PSMD9: variants seen among roughly 807,000 people sequenced by gnomAD.
The protein encoded by PSMD9 is 26S proteasome non-ATPase regulatory subunit 9.
In PSMD9, 26 loss-of-function variants were observed where a neutral mutation model predicts 25.9. The ratio of observed to expected loss-of-function variants is 1.00; its 90% CI spans 0.73 to 1.39. PSMD9 has a LOEUF of 1.39. Ranked by LOEUF, PSMD9 falls within the 40% of genes most tolerant of loss-of-function variation. The probability of loss-of-function intolerance (pLI) is 0.00; values close to 1 mark genes in which losing one functional copy is unlikely to be tolerated. For synonymous variants in PSMD9, 110 were observed against 114.5 expected (o/e 0.96, Z 0.25); for missense variants, 303 against 299.3 (o/e 1.01, Z -0.09).
chr12:121,916,476 T>C lies in PSMD9; in HGVS notation c.*165T>C, dbSNP rs904214992. The C allele has an allele frequency of 2.5e-6, 2 of 812,420 alleles. No homozygotes were observed. The highest frequency in any genetic ancestry group is 4.0e-6 in the Non-Finnish European group (2 of 500,510). The allele number at this position is 812,420 out of a possible 1,614,324, so 50.3% of individuals were successfully genotyped here. ...CTGTGGCCCACCAGTGTAATCTCCCTGGATTAAGGCATTCTTAAAAACTTA... is the reference window on the plus strand; with the variant it reads ...CTGTGGCCCACCAGTGTAATCTCCCCGGATTAAGGCATTCTTAAAAACTTA... On this transcript the variant is annotated 3_prime_UTR_variant, in exon 6 of 6. Transcript: ENST00000541212.
At chr12:121,889,754 G>A (rs1204367447) in intron 1 of PSMD9, among the ~76,000 whole-genome samples, 2 of 152,162 alleles carry the variant, frequency 1.3e-5, no homozygotes, top group Non-Finnish European at 2.9e-5. Flanking sequence ...CCTATCTAAG[G>A]TCATGTAGTT....
chr12:121,894,855 T>G lies in PSMD9; in HGVS notation c.241+14T>G. 6.2e-7 allele frequency: 1 copy of G among 1,605,880 alleles called. No homozygotes were observed. On this transcript the variant is annotated intron_variant, in intron 2 of 5. Transcript: ENST00000541212. ...ACAACATCATATGTGAGTGGCCCTC[T>G]TAGAAGACTTTCCCCACCTTGTGGT...
rs1195963789 is a variant in PSMD9 at position 121,899,969 on chromosome 12, TAACA to T, written c.453+129_453+132del. On this transcript the variant is annotated intron_variant, in intron 3 of 5. Transcript: ENST00000541212. ...GCGGTGCTGAGTTCAGTTACTCATT[TAACA>T]AACACTGACTGAGGCCTGTCGTGTA... 3 of 1,114,474 alleles carry T rather than the reference TAACA, an allele frequency of 2.7e-6. No individual in the cohort carries two copies. In the East Asian group the frequency reaches 7.5e-5, roughly 28 times the overall value. The allele number at this position is 1,114,474 out of a possible 1,614,324, so 69.0% of individuals were successfully genotyped here. A position where few individuals can be genotyped will look rare whatever the true frequency, so the allele number is the denominator to read the frequency against.
chr12:121,888,869 G>A lies in PSMD9; in HGVS notation c.13G>A (p.Glu5Lys), dbSNP rs1878964637. 6.2e-7 allele frequency: 1 copy of A among 1,604,322 alleles called. No homozygotes were observed. Residue 5 changes from glutamate (E) to lysine (K), a missense_variant, in exon 1 of 6, where the codon GAA becomes AAA. Coordinates refer to ENST00000541212, the MANE Select transcript of PSMD9 (RefSeq NM_002813.7). Reference sequence around the variant, plus strand: ...CCCGGGGTTCACGATGTCCGACGAGGAAGCGAGGCAGAGCGGAGGCTCCTC... The same window carrying A: ...CCCGGGGTTCACGATGTCCGACGAGAAAGCGAGGCAGAGCGGAGGCTCCTC... MSDE[E>K]ARQSGGSSQA...
intron 4 of PSMD9, among the ~76,000 whole-genome samples, chr12:121,912,053 A>G (rs1478025306): frequency 1.4e-5 from 2 of 143,070 alleles, no homozygotes; most frequent in Admixed American, 1.4e-4. Flanking sequence ...TTATTTATTT[A>G]TTTATTTTGA....
intron 4 of PSMD9, chr12:121,915,324 CAAAA>C (rs36112373): frequency 1.5e-5 from 2 of 133,526 alleles, no homozygotes; most frequent in Non-Finnish European, 1.6e-5. Flanking sequence ...GACTGTGTCT[CAAAA>C]AAAAAAAAAA....
At position 121,917,366 on chromosome 12, in the gene PSMD9, T is replaced by C. The variant is rs1176821610; in HGVS notation, c.*1055T>C. 1 of 152,276 alleles carries C rather than the reference T, an allele frequency of 6.6e-6. No homozygotes were observed. Among genetic ancestry groups the C allele is most frequent in the Non-Finnish European group, 1.5e-5 (1 of 68,056 alleles). 9.4% of individuals were successfully genotyped at this position (152,276 alleles called of 1,614,324 possible). On this transcript the variant is annotated 3_prime_UTR_variant, in exon 6 of 6. Transcript: ENST00000541212. ...CGCTATTTTGTAAACCGCTGAGGTA[T>C]GGATAGGAACGAGTAGATCAGACCT...
In PSMD9 at chr12:121,917,415, C is replaced by G. The variant is rs952719228; in HGVS notation, c.*1104C>G. 1 of 152,224 alleles carries G rather than the reference C, an allele frequency of 6.6e-6. No homozygotes were observed. The highest frequency in any genetic ancestry group is 1.5e-5 in the Non-Finnish European group (1 of 68,054). 9.4% of individuals were successfully genotyped at this position (152,224 alleles called of 1,614,324 possible). On this transcript the variant is annotated 3_prime_UTR_variant, in exon 6 of 6. Coordinates refer to ENST00000541212, the MANE Select transcript of PSMD9 (RefSeq NM_002813.7). ...CTCTTGAAAATGCTTATTCTTCCTC[C>G]CTTTTATTTTTTGTCTCTTTTAAGA... is the stretch of plus-strand genomic sequence containing the variant.
At position 121,899,596 on chromosome 12, in the gene PSMD9, T is replaced by A. The variant is rs887724498; in HGVS notation, c.242-38T>A. On this transcript the variant is annotated intron_variant, in intron 2 of 5. Transcript: ENST00000541212. Reference sequence around the variant, plus strand: ...AATGTAGGAGTCTTGTGTCCTCCACTGTCTTCCTTGGCCCCTGATGTGTGG... The same window carrying A: ...AATGTAGGAGTCTTGTGTCCTCCACAGTCTTCCTTGGCCCCTGATGTGTGG... 1.9e-6 allele frequency: 3 copies of A among 1,544,610 alleles called. No individual in the cohort carries two copies. In the South Asian group the frequency reaches 3.6e-5, roughly 18 times the overall value.
intron 4 of PSMD9, among the ~76,000 whole-genome samples, chr12:121,903,423 C>T (rs1468720570): frequency 1.3e-5 from 2 of 152,146 alleles, no homozygotes; most frequent in African/African-American, 4.8e-5. Context: ...AATACCATCA[C>T]ATTGGTGGTT....
At position 121,915,783 on chromosome 12, in the gene PSMD9, G is replaced by T. The variant is rs150352413; in HGVS notation, c.556-73G>T. On this transcript the variant is annotated intron_variant, in intron 4 of 5. Coordinates refer to ENST00000541212, the MANE Select transcript of PSMD9 (RefSeq NM_002813.7). ...TACCAATTTGATAGGCAAAAAATGG[G>T]ATCTCAGCATTTTAGCCTGCATCTC... 8.6e-6 allele frequency: 11 copies of T among 1,273,722 alleles called. No individual in the cohort carries two copies. The East Asian group carries it at 2.2e-4, about 26-fold the overall frequency. The allele number at this position is 1,273,722 out of a possible 1,614,324, so 78.9% of individuals were successfully genotyped here.
At chr12:121,913,505 T>C (rs935435055) in intron 4 of PSMD9, among the ~76,000 whole-genome samples, 30 of 151,320 alleles carry the variant, frequency 2.0e-4, no homozygotes, top group Non-Finnish European at 3.4e-4. Flanking sequence ...TTTTTTTTTT[T>C]TTTTAAGACA....
rs1879473928 is a variant in PSMD9 at position 121,903,855 on chromosome 12, G to A, written c.555+748G>A. ...CTCACGGCTAATTTTTTTATATTTT[G>A]TGGAGGCGGGGTCTTGCTATGTTGT... On this transcript the variant is annotated intron_variant, in intron 4 of 5. Coordinates refer to ENST00000541212, the MANE Select transcript of PSMD9 (RefSeq NM_002813.7). Among the ~76,000 whole-genome samples, 3 of 147,182 alleles carry A rather than the reference G, an allele frequency of 2.0e-5. No homozygotes were observed. In the Admixed American group the frequency reaches 2.1e-4, roughly 10 times the overall value.
At chr12:121,896,836 C>CAAA (rs755152569) in intron 2 of PSMD9, among the ~76,000 whole-genome samples, 4 of 57,494 alleles carry the variant, frequency 7.0e-5, no homozygotes, top group African/African-American at 1.4e-4. Flanking sequence ...AACTCTGTCT[C>CAAA]AAAAAAAAAA....
At chr12:121,898,277 C>T (rs980817450) in intron 2 of PSMD9, 2 of 152,250 alleles carry the variant, frequency 1.3e-5, no homozygotes, top group African/African-American at 4.8e-5. Flanking sequence ...AAAATACCAG[C>T]TGCTGTGCTG....
chr12:121,915,551 A>G, intron 4 of PSMD9: 1 of 337,368 alleles, frequency 3.0e-6, no homozygotes, highest in Non-Finnish European at 5.4e-6. Flanking sequence ...CTGGGATTAC[A>G]GGCATTTGTA....
In PSMD9 at chr12:121,899,734, G is replaced by A. The variant is rs1392669288; in HGVS notation, c.342G>A (p.Glu114=). Residue 114 remains glutamate, a synonymous_variant, in exon 3 of 6, where the codon GAG becomes GAA. Transcript: ENST00000541212. The part of the protein sequence containing the change: ...DKEKQARDMA[E]AHKEAMSRKL... ...AGAAGCAGGCCCGGGACATGGCTGA[G>A]GCCCACAAAGAGGCCATGAGCCGCA... is the stretch of plus-strand genomic sequence containing the variant. 4 of 1,614,042 alleles carry A rather than the reference G, an allele frequency of 2.5e-6. No individual in the cohort carries two copies. Among genetic ancestry groups the A allele is most frequent in the Non-Finnish European group, 3.4e-6 (4 of 1,180,036 alleles).
intron 3 of PSMD9, among the ~76,000 whole-genome samples, chr12:121,900,332 C>T (rs1879354680): frequency 1.3e-5 from 2 of 152,142 alleles, no homozygotes; most frequent in Non-Finnish European, 2.9e-5. Context: ...GTCGAAGTTG[C>T]AGTGAGCTGT....
intron 1 of PSMD9, among the ~76,000 whole-genome samples, chr12:121,892,017 C>A (rs1161753510): frequency 6.6e-6 from 1 of 151,222 alleles, no homozygotes; most frequent in East Asian, 1.9e-4. Flanking sequence ...TTAGATATGG[C>A]ACCAAAAACA....
Sources: gnomAD v4.1 joint callset for allele counts (sites outside exome capture counted in the v4.1 genomes callset) on GRCh38, gnomAD v4.1.1 for gene constraint, MANE v1.5 for transcripts, NCBI Gene and HGNC (gene_info 2026-07-23, HGNC 2026-07-21) for gene names.